GPR149: variants seen among roughly 807,000 people sequenced by gnomAD.
GPR149 encodes probable G protein-coupled receptor 149.
Under a neutral mutation model 50.2 loss-of-function variants are expected in GPR149, and 50 were observed. The observed-to-expected ratio is 1.00, with a 90% CI of 0.79 to 1.26. The LOEUF (loss-of-function observed/expected upper bound fraction) is 1.26, where lower values mean the gene tolerates loss of function less well. GPR149 is among the 50% of genes most tolerant of loss of function. GPR149 has a pLI of 0.00. For synonymous variants in GPR149, 405 were observed against 358.2 expected, an observed-to-expected ratio of 1.13 and a Z score of -1.48; for missense variants, 983 against 895.4, an observed-to-expected ratio of 1.10 and a Z score of -1.25.
At chr3:154,395,948 C>T (rs1286741043) in intron 3 of GPR149, among the ~76,000 whole-genome samples, 1 of 152,112 alleles carries the variant, frequency 6.6e-6, no homozygotes, top group East Asian at 1.9e-4. Flanking sequence ...ATAGAGGAAC[C>T]AGCAATCAAG....
intron 3 of GPR149, among the ~76,000 whole-genome samples, chr3:154,359,816 A>G (rs967766885): frequency 6.6e-6 from 1 of 152,172 alleles, no homozygotes; most frequent in Admixed American, 6.5e-5. Context: ...ATTCCTAATC[A>G]ATGGAAGAGA....
At chr3:154,369,012 C>T (rs572602398) in intron 3 of GPR149, among the ~76,000 whole-genome samples, 7 of 152,338 alleles carry the variant, frequency 4.6e-5, no homozygotes, top group South Asian at 4.1e-4. Context: ...GTTTCCATCC[C>T]GCTGGTAAGC....
At chr3:154,381,262 C>G (rs1482927256) in intron 3 of GPR149, among the ~76,000 whole-genome samples, 1 of 152,180 alleles carries the variant, frequency 6.6e-6, no homozygotes, top group Non-Finnish European at 1.5e-5. Context: ...TGGACCCCAG[C>G]ACCTGTTGCT....
chr3:154,336,771 C>A lies in GPR149; in HGVS notation c.*928G>T, dbSNP rs548852587. On this transcript the variant is annotated 3_prime_UTR_variant, in exon 4 of 4. Transcript: ENST00000389740. ...AATGACTAAGAAAGGTTGCCCAATC[C>A]TCAGCTTTAAAAACAGATACTTTTG... 4.7e-4 allele frequency: 72 copies of A among 151,996 alleles called. No homozygotes were observed. The highest frequency in any genetic ancestry group is 3.2e-4 in the Non-Finnish European group (22 of 67,944). 9.4% of individuals were successfully genotyped at this position (151,996 alleles called of 1,614,324 possible). A position where few individuals can be genotyped will look rare whatever the true frequency, so the allele number is the denominator to read the frequency against.
At chr3:154,372,778 T>C (rs1714694410) in intron 3 of GPR149, among the ~76,000 whole-genome samples, 1 of 152,160 alleles carries the variant, frequency 6.6e-6, no homozygotes, top group Admixed American at 6.5e-5. Flanking sequence ...ACTGCTTTGA[T>C]GTGAGTTGCG....
chr3:154,369,926 A>T (rs906791145), intron 3 of GPR149, among the ~76,000 whole-genome samples: 6 of 152,118 alleles, frequency 3.9e-5, no homozygotes, highest in Non-Finnish European at 7.3e-5. Flanking sequence ...GAGAGGGAAA[A>T]ATTCCCCACA....
At chr3:154,416,452 C>T (rs1040879163) in intron 3 of GPR149, among the ~76,000 whole-genome samples, 2 of 151,688 alleles carry the variant, frequency 1.3e-5, no homozygotes, top group African/African-American at 4.8e-5. Context: ...CCATTTGACT[C>T]GTATGTACAT....
chr3:154,338,675 A>G (rs984194744), intron 3 of GPR149, among the ~76,000 whole-genome samples: 2 of 152,346 alleles, frequency 1.3e-5, no homozygotes, highest in South Asian at 4.1e-4. Context: ...GTTGGAAGAA[A>G]TGTAGACTGT....
chr3:154,339,733 T>C (rs1713743463), intron 3 of GPR149, among the ~76,000 whole-genome samples: 1 of 150,848 alleles, frequency 6.6e-6, no homozygotes, highest in East Asian at 2.0e-4. Context: ...TTTAAAGAAG[T>C]TTGAAAAAGA....
chr3:154,368,728 G>C (rs1016084775), intron 3 of GPR149, among the ~76,000 whole-genome samples: 1 of 152,212 alleles, frequency 6.6e-6, no homozygotes, highest in African/African-American at 2.4e-5. Flanking sequence ...CTAGAGTACA[G>C]CAGCTGTTCT....
intron 3 of GPR149, among the ~76,000 whole-genome samples, chr3:154,416,492 C>T (rs902762726): frequency 1.3e-5 from 2 of 151,800 alleles, no homozygotes; most frequent in Non-Finnish European, 2.9e-5. Flanking sequence ...ATCTAAAGAG[C>T]TCAAAATAGT....
intron 3 of GPR149, among the ~76,000 whole-genome samples, chr3:154,408,085 A>G (rs1311784168): frequency 6.6e-6 from 1 of 152,200 alleles, no homozygotes; most frequent in Admixed American, 6.5e-5. Flanking sequence ...GTGAATCCAT[A>G]CTGATATAAA....
chr3:154,422,371 T>C (rs913929442), intron 2 of GPR149, among the ~76,000 whole-genome samples: 4 of 151,716 alleles, frequency 2.6e-5, no homozygotes, highest in Non-Finnish European at 5.9e-5. Flanking sequence ...ATATTAAGAA[T>C]GAAGTTATAT....
At chr3:154,373,232 G>T (rs546696454) in intron 3 of GPR149, among the ~76,000 whole-genome samples, 1 of 152,234 alleles carries the variant, frequency 6.6e-6, no homozygotes, top group Non-Finnish European at 1.5e-5. Context: ...TCATGTCATG[G>T]AAGTCAAGGA....
At chr3:154,341,405 T>G (rs941692067) in intron 3 of GPR149, among the ~76,000 whole-genome samples, 2 of 144,814 alleles carry the variant, frequency 1.4e-5, no homozygotes, top group African/African-American at 5.1e-5. Context: ...TAGAAAATTC[T>G]AAAGAAGTAA....
chr3:154,429,118 C>A lies in GPR149; in HGVS notation c.498G>T (p.Ala166=), dbSNP rs199633752. Residue 166 remains alanine (A), a synonymous_variant, in exon 1 of 4, where the codon GCG becomes GCT. Coordinates refer to ENST00000389740, the MANE Select transcript of GPR149 (RefSeq NM_001038705.3). Reference sequence around the variant, plus strand: ...AGGCGCCCCAGCCGCACAGCGGGAGCGCCGAGAGCAGCAGACTGGCTGCCC... The same window carrying A: ...AGGCGCCCCAGCCGCACAGCGGGAGAGCCGAGAGCAGCAGACTGGCTGCCC... ...TVWAASLLLS[A]LPLCGWGAFV... 6.2e-7 allele frequency: 1 copy of A among 1,613,596 alleles called. No homozygotes were observed. The highest frequency in any genetic ancestry group is 1.7e-5 in the Admixed American group (1 of 60,004).
intron 3 of GPR149, among the ~76,000 whole-genome samples, chr3:154,411,488 T>A (rs1463314737): frequency 2.0e-5 from 3 of 151,992 alleles, no homozygotes; most frequent in Non-Finnish European, 4.4e-5. Context: ...AAGATCCAAA[T>A]AAGCTCAATT....
intron 2 of GPR149, 118 bp downstream of exon 2, chr3:154,427,398 C>T: frequency 1.4e-6 from 1 of 721,376 alleles, no homozygotes; most frequent in South Asian, 2.0e-5. Flanking sequence ...CACTATTTAC[C>T]ACTGACATTT....
At chr3:154,363,922 A>G (rs1190911472) in intron 3 of GPR149, among the ~76,000 whole-genome samples, 1 of 152,178 alleles carries the variant, frequency 6.6e-6, no homozygotes, top group East Asian at 1.9e-4. Context: ...CTCACTCTCC[A>G]GTGTTCATGT....
Sources: gnomAD v4.1 joint callset for allele counts (sites outside exome capture counted in the v4.1 genomes callset) on GRCh38, gnomAD v4.1.1 for gene constraint, MANE v1.5 for transcripts, NCBI Gene and HGNC (gene_info 2026-07-23, HGNC 2026-07-21) for gene names.